The following MACROD2 variants were observed in gnomAD, a reference collection of about 807,000 sequenced individuals.
MACROD2 encodes the protein ADP-ribose glycohydrolase MACROD2.
Under a neutral mutation model 70.4 loss-of-function variants are expected in MACROD2, and 36 were observed. That is an observed-to-expected ratio of 0.51 (90% CI 0.39 to 0.68). MACROD2 has a LOEUF of 0.68. Ranked by LOEUF, MACROD2 falls within the 30% of genes least tolerant of loss-of-function variation. The pLI, the probability that MACROD2 is intolerant of heterozygous loss-of-function variation, is 0.00. For synonymous variants in MACROD2, 172 were observed against 178.8 expected (o/e 0.96, Z 0.30); for missense variants, 496 against 538.4 (o/e 0.92, Z 0.78).
At chr20:14,625,979 T>C (rs1054799248) in intron 4 of MACROD2, among the ~76,000 whole-genome samples, 1 of 152,124 alleles carries the variant, frequency 6.6e-6, no homozygotes, top group African/African-American at 2.4e-5. Context: ...TGCACCATGA[T>C]GCCCGGCTAA....
intron 5 of MACROD2, among the ~76,000 whole-genome samples, chr20:15,042,730 G>A (rs1054973679): frequency 6.6e-6 from 1 of 152,196 alleles, no homozygotes; most frequent in African/African-American, 2.4e-5. Flanking sequence ...GCATAGAACA[G>A]AAGCAGGAAA....
intron 5 of MACROD2, among the ~76,000 whole-genome samples, chr20:15,137,004 A>C (rs1217015806): frequency 3.3e-5 from 5 of 149,690 alleles, no homozygotes; most frequent in African/African-American, 7.4e-5. Flanking sequence ...CAAAACCACA[A>C]TGAGATACCA....
At chr20:15,213,593 G>C (rs1428443871) in intron 5 of MACROD2, among the ~76,000 whole-genome samples, 1 of 152,124 alleles carries the variant, frequency 6.6e-6, no homozygotes, top group Non-Finnish European at 1.5e-5. Context: ...TAAAGGTGAA[G>C]GAAGGCCAAT....
intron 3 of MACROD2, among the ~76,000 whole-genome samples, chr20:14,482,531 G>A (rs1555795131): frequency 6.6e-6 from 1 of 151,062 alleles, no homozygotes; most frequent in African/African-American, 2.4e-5. Flanking sequence ...GATGATCCAA[G>A]CATTGCATTA....
At chr20:14,145,854 G>A (rs2054936040) in intron 3 of MACROD2, among the ~76,000 whole-genome samples, 1 of 152,106 alleles carries the variant, frequency 6.6e-6, no homozygotes, top group Admixed American at 6.5e-5. Context: ...TCTGAAATTT[G>A]AACAGTTAAT....
intron 5 of MACROD2, among the ~76,000 whole-genome samples, chr20:14,831,333 G>T (rs950366420): frequency 2.0e-5 from 3 of 152,038 alleles, no homozygotes; most frequent in Non-Finnish European, 4.4e-5. Context: ...TTTTATCGAC[G>T]TGACTGTTTA....
intron 6 of MACROD2, among the ~76,000 whole-genome samples, chr20:15,348,564 A>G (rs1405462307): frequency 1.3e-5 from 2 of 152,178 alleles, no homozygotes; most frequent in African/African-American, 2.4e-5. Flanking sequence ...AAACTGGGTA[A>G]TTTATAAAGG....
intron 3 of MACROD2, among the ~76,000 whole-genome samples, chr20:14,253,711 C>A (rs913817031): frequency 1.3e-5 from 2 of 152,168 alleles, no homozygotes; most frequent in African/African-American, 4.8e-5. Context: ...TGAACTTTTT[C>A]AAACCTCTGG....
chr20:15,387,067 T>C (rs2045723547), intron 6 of MACROD2, among the ~76,000 whole-genome samples: 1 of 152,204 alleles, frequency 6.6e-6, no homozygotes, highest in Non-Finnish European at 1.5e-5. Flanking sequence ...GAGAAACGCC[T>C]GTTTCCCTAA....
intron 8 of MACROD2, among the ~76,000 whole-genome samples, chr20:15,630,254 G>A (rs920960430): frequency 2.6e-5 from 4 of 152,208 alleles, no homozygotes; most frequent in Admixed American, 6.5e-5. Flanking sequence ...AATAAAGCAG[G>A]CAAGATGATA....
chr20:15,788,367 C>A (rs2147051611), intron 8 of MACROD2, among the ~76,000 whole-genome samples: 1 of 152,280 alleles, frequency 6.6e-6, no homozygotes, highest in Admixed American at 6.5e-5. Flanking sequence ...AATAGTGGAA[C>A]TGAAGTTCTT....
chr20:15,220,779 G>A (rs1490960512), intron 5 of MACROD2, among the ~76,000 whole-genome samples: 1 of 151,984 alleles, frequency 6.6e-6, no homozygotes, highest in Non-Finnish European at 1.5e-5. Context: ...AAATGGGGGG[G>A]GCTCTCCAGA....
chr20:14,964,595 A>G (rs997225934), intron 5 of MACROD2, among the ~76,000 whole-genome samples: 1 of 152,036 alleles, frequency 6.6e-6, no homozygotes, highest in Non-Finnish European at 1.5e-5. Flanking sequence ...AAAATAAAAA[A>G]AAAATAAAGA....
At chr20:14,162,772 T>C (rs992125922) in intron 3 of MACROD2, among the ~76,000 whole-genome samples, 4 of 152,152 alleles carry the variant, frequency 2.6e-5, no homozygotes, top group African/African-American at 9.6e-5. Context: ...GAGTTACTTA[T>C]AGGCAGCATA....
intron 3 of MACROD2, among the ~76,000 whole-genome samples, chr20:14,097,282 T>G (rs2054241024): frequency 6.6e-6 from 1 of 152,182 alleles, no homozygotes; most frequent in Non-Finnish European, 1.5e-5. Flanking sequence ...CCATCTGATT[T>G]ATGGTTCAGT....
At chr20:14,982,440 C>A (rs560977188) in intron 5 of MACROD2, among the ~76,000 whole-genome samples, 3 of 152,082 alleles carry the variant, frequency 2.0e-5, no homozygotes, top group Non-Finnish European at 2.9e-5. Context: ...ATGTCAGAGA[C>A]CTTTGTGGCA....
intron 2 of MACROD2, among the ~76,000 whole-genome samples, chr20:14,063,509 A>G (rs1347047250): frequency 6.6e-6 from 1 of 152,198 alleles, no homozygotes; most frequent in Non-Finnish European, 1.5e-5. Flanking sequence ...TCAAACTCCA[A>G]AATATGAAAC....
chr20:14,340,037 G>A (rs950748908), intron 3 of MACROD2, among the ~76,000 whole-genome samples: 20 of 152,182 alleles, frequency 1.3e-4, no homozygotes, highest in Non-Finnish European at 2.5e-4. Flanking sequence ...GAAACATGAG[G>A]TTATCATGAG....
At chr20:14,557,048 T>C (rs1979080984) in intron 4 of MACROD2, among the ~76,000 whole-genome samples, 1 of 151,900 alleles carries the variant, frequency 6.6e-6, no homozygotes, top group South Asian at 2.1e-4. Flanking sequence ...GGAATAGAAT[T>C]AAGAGTCCAG....
Sources: allele counts gnomAD v4.1 joint callset (sites outside exome capture counted in the v4.1 genomes callset), GRCh38; gene constraint gnomAD v4.1.1; transcripts MANE v1.5; gene names NCBI Gene and HGNC (gene_info 2026-07-23, HGNC 2026-07-21).